Variants in SAG observed in about 807,000 individuals in gnomAD.
SAG encodes S-arrestin.
A neutral mutation model predicts 55.0 loss-of-function variants in SAG; 45 were observed. That is an observed-to-expected ratio of 0.82 (90% CI 0.64 to 1.05). The LOEUF (loss-of-function observed/expected upper bound fraction) is 1.05, where lower values mean the gene tolerates loss of function less well. Among genes scored for constraint, SAG ranks in the 50% least tolerant of loss-of-function variants. The pLI is 0.00. For synonymous variants in SAG, 189 were observed against 197.4 expected (o/e 0.96, Z 0.36); for missense variants, 455 against 512.1 (o/e 0.89, Z 1.08).
chr2:233,311,297 G>C (rs1036869670), intron 2 of SAG, among the ~76,000 whole-genome samples: 1 of 152,132 alleles, frequency 6.6e-6, no homozygotes, highest in South Asian at 2.1e-4. Context: ...GACTGCCCCT[G>C]CTCCTGGCGT....
chr2:233,318,488 C>A (rs1221823153), intron 3 of SAG, among the ~76,000 whole-genome samples: 1 of 152,156 alleles, frequency 6.6e-6, no homozygotes, highest in Non-Finnish European at 1.5e-5. Flanking sequence ...CTGCCTTGGC[C>A]TCCCAAAGTA....
chr2:233,311,853 C>T (rs1477637218), intron 2 of SAG, among the ~76,000 whole-genome samples: 6 of 152,184 alleles, frequency 3.9e-5, no homozygotes, highest in African/African-American at 1.4e-4. Context: ...CAGCCAGGCG[C>T]GGTGGTTTAT....
At chr2:233,314,757 A>G (rs1700172479) in intron 2 of SAG, among the ~76,000 whole-genome samples, 1 of 152,172 alleles carries the variant, frequency 6.6e-6, no homozygotes, top group South Asian at 2.1e-4. Flanking sequence ...AGCATCATTC[A>G]TGCGAGTAAC....
intron 2 of SAG, among the ~76,000 whole-genome samples, chr2:233,315,234 T>G (rs75084045): frequency 0.013 from 1,907 of 151,720 alleles, 19 homozygotes; most frequent in East Asian, 0.028. Context: ...TGGTGGGATT[T>G]CAGGGGCTTC....
At chr2:233,325,529 C>A (rs927349403) in intron 6 of SAG, among the ~76,000 whole-genome samples, 1 of 151,684 alleles carries the variant, frequency 6.6e-6, no homozygotes, top group African/African-American at 2.4e-5. Flanking sequence ...TGGTCCAGGA[C>A]AATGGGGTGG....
chr2:233,309,738 G>C (rs1442321176), intron 2 of SAG, among the ~76,000 whole-genome samples: 1 of 152,194 alleles, frequency 6.6e-6, no homozygotes, highest in Non-Finnish European at 1.5e-5. Flanking sequence ...CTATAAATGA[G>C]TGAATGAACT....
intron 2 of SAG, among the ~76,000 whole-genome samples, chr2:233,310,641 G>A (rs1389569015): frequency 6.6e-6 from 1 of 151,848 alleles, no homozygotes. Context: ...CTAGTAGCTG[G>A]GACTACAGGC....
chr2:233,340,372 G>T lies in SAG; in HGVS notation c.1023-83G>T. 1.6e-6 allele frequency: 2 copies of T among 1,230,618 alleles called. No homozygotes were observed. Among genetic ancestry groups the T allele is most frequent in the Non-Finnish European group, 2.4e-6 (2 of 844,950 alleles). The allele number at this position is 1,230,618 out of a possible 1,614,324, so 76.2% of individuals were successfully genotyped here. A position where few individuals can be genotyped will look rare whatever the true frequency, so the allele number is the denominator to read the frequency against. ...CGGGTGCAAGGGCCATGAGAGCTGG[G>T]CTGTGTCCTGCCTCTGAATCATGGG... On this transcript the variant is annotated intron_variant, in intron 12 of 15. Transcript: ENST00000409110. This position sits in a 1 kb window ranked among gnomAD's most constrained non-coding sequence, Gnocchi z 4.2.
In SAG at chr2:233,307,917, G is replaced by T. The variant is rs1311744883; in HGVS notation, c.-134G>T. The T allele has an allele frequency of 6.6e-6, 1 of 152,370 alleles. No homozygotes were observed. The highest frequency in any genetic ancestry group is 1.5e-5 in the Non-Finnish European group (1 of 68,048). The allele number at this position is 152,370 out of a possible 1,614,324, so 9.4% of individuals were successfully genotyped here. A position where few individuals can be genotyped will look rare whatever the true frequency, so the allele number is the denominator to read the frequency against. ...CCCCTTCAGGCTCATCTGGCAAGAC[G>T]GTACCAGCTTGCTCAGAACAGGGGC... On this transcript the variant is annotated 5_prime_UTR_variant, in exon 1 of 16. Transcript: ENST00000409110.
intron 10 of SAG, chr2:233,332,460 AG>A (rs1421556040): frequency 6.6e-6 from 1 of 152,252 alleles, no homozygotes; most frequent in East Asian, 1.9e-4. Flanking sequence ...GAATGATGAA[AG>A]ACAACTGATT....
chr2:233,324,434 G>A (rs541572542), intron 6 of SAG, among the ~76,000 whole-genome samples: 1 of 152,266 alleles, frequency 6.6e-6, no homozygotes, highest in African/African-American at 2.4e-5. Flanking sequence ...GGAAGCTGAG[G>A]TTAGAGTGGA....
At chr2:233,344,195 T>C (rs1422699907) in intron 14 of SAG, 3 of 151,982 alleles carry the variant, frequency 2.0e-5, no homozygotes, top group African/African-American at 7.3e-5. Context: ...TTTTGAGACA[T>C]AGTCTTATTC....
intron 7 of SAG, 29 bp from the exon 8 acceptor site, chr2:233,328,449 C>A: frequency 6.2e-7 from 1 of 1,605,726 alleles, no homozygotes; most frequent in Non-Finnish European, 8.5e-7. Flanking sequence ...GGTGCCAATC[C>A]CTGGCTTGTC....
intron 6 of SAG, 114 bp from the exon 7 acceptor site, chr2:233,327,007 A>G: frequency 1.3e-6 from 1 of 776,348 alleles, no homozygotes; most frequent in Non-Finnish European, 2.2e-6. Context: ...GGACATGGCC[A>G]AGACAAAAAG....
chr2:233,322,851 A>C lies in SAG; in HGVS notation c.376-95A>C, dbSNP rs1700429075. The C allele has an allele frequency of 5.0e-6, 4 of 796,884 alleles. No homozygotes were observed. In the South Asian group the frequency reaches 6.6e-5, roughly 13 times the overall value. The allele number at this position is 796,884 out of a possible 1,614,324, so 49.4% of individuals were successfully genotyped here. A position where few individuals can be genotyped will look rare whatever the true frequency, so the allele number is the denominator to read the frequency against. On this transcript the variant is annotated intron_variant, in intron 5 of 15. Coordinates refer to ENST00000409110, the MANE Select transcript of SAG (RefSeq NM_000541.5). ...ATGTGATTTTTCTTTTTTCTTGCTT[A>C]TCATCTTTATTTTCTAATTTTTACA... is the stretch of plus-strand genomic sequence containing the variant.
rs1239524922 is a variant in SAG at position 233,340,488 on chromosome 2, T to C, written c.1046+10T>C. 3 of 1,606,664 alleles carry C rather than the reference T, an allele frequency of 1.9e-6. No homozygotes were observed. The highest frequency in any genetic ancestry group is 2.2e-5 in the South Asian group (2 of 90,000). The stretch of plus-strand genomic sequence containing the variant: ...GAGAGCTCACCTCCAGGTAAGCCTG[T>C]TCACCTTCCTTGTTTGATTGTTTCT... On this transcript the variant is annotated intron_variant, in intron 13 of 15. Transcript: ENST00000409110. This position sits in a 1 kb window ranked among gnomAD's most constrained non-coding sequence, Gnocchi z 4.2.
chr2:233,317,575 A>G (rs1700244868), intron 3 of SAG, among the ~76,000 whole-genome samples: 1 of 152,276 alleles, frequency 6.6e-6, no homozygotes, highest in Admixed American at 6.5e-5. Flanking sequence ...ATTTGGCAGC[A>G]TGTTATCAAA....
intron 2 of SAG, among the ~76,000 whole-genome samples, chr2:233,315,259 C>T (rs182575053): frequency 4.7e-5 from 7 of 149,248 alleles, no homozygotes; most frequent in African/African-American, 1.2e-4. Flanking sequence ...GAACTCACAC[C>T]TCTTTGCGTT....
chr2:233,338,992 ACTTT>A, intron 12 of SAG: 1 of 610,370 alleles, frequency 1.6e-6, no homozygotes, highest in Admixed American at 2.3e-5. Context: ...TCTTAGCGCC[ACTTT>A]GCAAAAATAC....
Sources: gnomAD v4.1 joint callset for allele counts (sites outside exome capture counted in the v4.1 genomes callset) on GRCh38, gnomAD v4.1.1 for gene constraint, Gnocchi (gnomAD v3.1) non-coding constraint, MANE v1.5 for transcripts, NCBI Gene and HGNC (gene_info 2026-07-23, HGNC 2026-07-21) for gene names.